Variants in RWDD2B observed in about 807,000 individuals in gnomAD.
RWDD2B encodes RWD domain-containing protein 2B.
A neutral mutation model predicts 33.6 loss-of-function variants in RWDD2B; 36 were observed. The ratio of observed to expected loss-of-function variants is 1.07; its 90% CI spans 0.82 to 1.42. RWDD2B has a LOEUF of 1.42. Among genes scored for constraint, RWDD2B ranks in the 40% most tolerant of loss-of-function variants. The probability of loss-of-function intolerance (pLI) is 0.00; values close to 1 mark genes in which losing one functional copy is unlikely to be tolerated. For synonymous variants in RWDD2B, 126 were observed against 133.1 expected (o/e 0.95, Z 0.37); for missense variants, 364 against 377.5 (o/e 0.96, Z 0.30).
At chr21:29,015,224 GTT>G (rs71189334) in intron 1 of RWDD2B, among the ~76,000 whole-genome samples, 3 of 64,808 alleles carry the variant, frequency 4.6e-5, no homozygotes, top group African/African-American at 1.3e-4. Context: ...ATTATGATGC[GTT>G]TTTTTTTTTT....
intron 4 of RWDD2B, among the ~76,000 whole-genome samples, chr21:29,007,351 C>T (rs906573990): frequency 2.0e-5 from 3 of 152,216 alleles, no homozygotes; most frequent in African/African-American, 7.2e-5. Context: ...ATTGAATCCC[C>T]ATAAAGACAC....
chr21:29,015,970 C>A (rs972219884), intron 1 of RWDD2B, among the ~76,000 whole-genome samples: 1 of 152,172 alleles, frequency 6.6e-6, no homozygotes, highest in Non-Finnish European at 1.5e-5. Flanking sequence ...CTGTCTGACT[C>A]CAGAACATGT....
chr21:29,005,158 C>T lies in RWDD2B; in HGVS notation c.*1259G>A, dbSNP rs2084822328. Reference sequence around the variant, plus strand: ...AAATAAATGTACAGAAAGCCATTTCCAGAACAAAAAATGTCAGAATACAAT... The same window carrying T: ...AAATAAATGTACAGAAAGCCATTTCTAGAACAAAAAATGTCAGAATACAAT... On this transcript the variant is annotated 3_prime_UTR_variant, in exon 5 of 5. Coordinates refer to ENST00000493196, the MANE Select transcript of RWDD2B (RefSeq NM_016940.3). 6.6e-6 allele frequency: 1 copy of T among 152,116 alleles called. No homozygotes were observed. The highest frequency in any genetic ancestry group is 2.4e-5 in the African/African-American group (1 of 41,416). 9.4% of individuals were successfully genotyped at this position (152,116 alleles called of 1,614,324 possible).
chr21:29,011,753 C>T lies in RWDD2B; in HGVS notation c.68-3132G>A, dbSNP rs1349318455. ...CCTCTGCCCGGCCAGCCGCCCCGTCCGGGAGGGAGGTGGGGGGGTCAGCCC... is the reference window on the plus strand; with the variant it reads ...CCTCTGCCCGGCCAGCCGCCCCGTCTGGGAGGGAGGTGGGGGGGTCAGCCC... On this transcript the variant is annotated intron_variant, in intron 1 of 4. Coordinates refer to ENST00000493196, the MANE Select transcript of RWDD2B (RefSeq NM_016940.3). 9.9e-4 allele frequency among the ~76,000 whole-genome samples: 120 copies of T among 121,106 alleles called. 1 individual carries two copies. Among genetic ancestry groups the T allele is most frequent in the African/African-American group, 3.3e-3 (106 of 31,674 alleles). 79.5% of individuals were successfully genotyped at this position (121,106 alleles called of 152,430 possible).
intron 4 of RWDD2B, among the ~76,000 whole-genome samples, chr21:29,007,437 TG>T (rs1257931036): frequency 6.6e-6 from 1 of 152,224 alleles, no homozygotes; most frequent in East Asian, 1.9e-4. Flanking sequence ...TTCTGAGAAA[TG>T]TATCTTTAGG....
chr21:29,019,189 C>G (rs115143768), intron 1 of RWDD2B, 22 bp downstream of exon 1: 1 of 1,580,876 alleles, frequency 6.3e-7, no homozygotes, highest in Non-Finnish European at 8.6e-7. Flanking sequence ...TCACCACTGG[C>G]GCTAGCTGAG....
rs1440515535 is a variant in RWDD2B, at chr21:29,006,554, A to G, written c.823T>C (p.Ser275Pro). ...NDETERQRKF[S>P]IFEEKVFSVN... The stretch of plus-strand genomic sequence containing the variant: ...CTGAACACTTTTTCTTCAAAAATGG[A>G]AAATTTCCTTTGTCTTTCCGTTTCA... The change falls in exon 5 of 5, where the codon TCC becomes CCC. Residue 275 changes from serine (S) to proline (P), a missense_variant. By Grantham distance (74) the Ser-to-Pro change is moderately conservative. Coordinates refer to ENST00000493196, the MANE Select transcript of RWDD2B (RefSeq NM_016940.3). 6.2e-7 allele frequency: 1 copy of G among 1,613,926 alleles called. No homozygotes were observed. The highest frequency in any genetic ancestry group is 2.2e-5 in the East Asian group (1 of 44,884).
chr21:29,014,413 C>T (rs2084879662), intron 1 of RWDD2B, among the ~76,000 whole-genome samples: 1 of 152,208 alleles, frequency 6.6e-6, no homozygotes, highest in Non-Finnish European at 1.5e-5. Context: ...ACTTAATCAC[C>T]TCTGAAAGGT....
In RWDD2B at chr21:29,019,205, A is replaced by G; in HGVS notation, c.67+6T>C. 2.5e-6 allele frequency: 4 copies of G among 1,594,770 alleles called. No individual in the cohort carries two copies. Among genetic ancestry groups the G allele is most frequent in the Non-Finnish European group, 3.4e-6 (4 of 1,171,348 alleles). ...CACCACTGGCGCTAGCTGAGGCGAGACTCACCTTGAGCCGTGGCCCCCTCA... is the reference window on the plus strand; with the variant it reads ...CACCACTGGCGCTAGCTGAGGCGAGGCTCACCTTGAGCCGTGGCCCCCTCA... On this transcript the variant is annotated splice_donor_region_variant and intron_variant, in intron 1 of 4. Transcript: ENST00000493196.
intron 1 of RWDD2B, among the ~76,000 whole-genome samples, chr21:29,013,688 C>CAA (rs543309731): frequency 7.9e-4 from 47 of 59,440 alleles, no homozygotes; most frequent in African/African-American, 1.9e-3. Context: ...GACTCCGTCT[C>CAA]AAAAAAAAAA....
At chr21:29,016,333 C>T (rs990892213) in intron 1 of RWDD2B, among the ~76,000 whole-genome samples, 24 of 151,950 alleles carry the variant, frequency 1.6e-4, no homozygotes, top group African/African-American at 5.1e-4. Flanking sequence ...GGTGCAATCT[C>T]GGCTCACTGC....
rs1211312835 is a variant in RWDD2B at position 29,006,237 on chromosome 21, T to C, written c.*180A>G. On this transcript the variant is annotated 3_prime_UTR_variant, in exon 5 of 5. Coordinates refer to ENST00000493196, the MANE Select transcript of RWDD2B (RefSeq NM_016940.3). ...TTTAAGGTTGTAATTTGAAACTCAG[T>C]TCTGCTTTCAATCATGACATTTTTA... 1 of 484,358 alleles carries C rather than the reference T, an allele frequency of 2.1e-6. No homozygotes were observed. The highest frequency in any genetic ancestry group is 3.7e-6 in the Non-Finnish European group (1 of 272,962). 30.0% of individuals were successfully genotyped at this position (484,358 alleles called of 1,614,324 possible). A position where few individuals can be genotyped will look rare whatever the true frequency, so the allele number is the denominator to read the frequency against.
chr21:29,007,202 A>C (rs2084832702), intron 4 of RWDD2B, among the ~76,000 whole-genome samples: 1 of 152,220 alleles, frequency 6.6e-6, no homozygotes. Flanking sequence ...AGATCCATGG[A>C]AGTGGATGGG....
chr21:29,013,606 G>A (rs984735525), intron 1 of RWDD2B, among the ~76,000 whole-genome samples: 15 of 150,564 alleles, frequency 1.0e-4, no homozygotes, highest in Non-Finnish European at 2.1e-4. Context: ...GGAGAATGGC[G>A]TGAACTCGGG....
intron 1 of RWDD2B, among the ~76,000 whole-genome samples, chr21:29,011,715 G>T (rs2084861936): frequency 1.5e-5 from 2 of 136,658 alleles, no homozygotes; most frequent in Non-Finnish European, 1.6e-5. Flanking sequence ...CCCCTACTGG[G>T]AAGTGAGGAG....
chr21:29,008,575 G>T lies in RWDD2B; in HGVS notation c.114C>A (p.Ala38=). 6.2e-7 allele frequency: 1 copy of T among 1,613,972 alleles called. No individual in the cohort carries two copies. Among genetic ancestry groups the T allele is most frequent in the Non-Finnish European group, 8.5e-7 (1 of 1,180,030 alleles). The change falls in exon 2 of 5, where the codon GCC becomes GCA. Residue 38 remains alanine (A), a synonymous_variant. Coordinates refer to ENST00000493196, the MANE Select transcript of RWDD2B (RefSeq NM_016940.3). ...PKMIEMEQAE[A]QLAELDLLAS... The stretch of plus-strand genomic sequence containing the variant: ...CTAGCAGGTCTAACTCAGCAAGCTG[G>T]GCCTCCGCCTGCTCCATCTCAATCA...
In RWDD2B at chr21:29,008,458, C is replaced by T. The variant is rs1568869113; in HGVS notation, c.231G>A (p.Glu77=). 2 of 1,614,198 alleles carry T rather than the reference C, an allele frequency of 1.2e-6. No homozygotes were observed. The highest frequency in any genetic ancestry group is 2.2e-5 in the East Asian group (1 of 44,890). The change falls in exon 2 of 5, where the codon GAG becomes GAA. Residue 77 remains glutamate, a synonymous_variant. Transcript: ENST00000493196. ...LKDCIEKKTM[E]GRSSKVYFTI... is the part of the protein sequence containing the mutation. The stretch of plus-strand genomic sequence containing the variant: ...TAAAGTAGACTTTTGAAGATCGCCC[C>T]TCCATTGTCTTCTTTTCAATACAAT...
chr21:29,006,710 C>A, intron 4 of RWDD2B, 59 bp from the exon 5 acceptor site: 2 of 1,007,588 alleles, frequency 2.0e-6, no homozygotes, highest in South Asian at 1.6e-5. Flanking sequence ...GCATTTAAAA[C>A]AGAAGTTATA....
At chr21:29,010,601 C>T (rs1311354942) in intron 1 of RWDD2B, among the ~76,000 whole-genome samples, 4 of 122,788 alleles carry the variant, frequency 3.3e-5, no homozygotes, top group Non-Finnish European at 6.5e-5. Context: ...GAGTGAAACT[C>T]CGTCTCAAAA....
Sources: gnomAD v4.1 joint callset for allele counts (sites outside exome capture counted in the v4.1 genomes callset) on GRCh38, gnomAD v4.1.1 for gene constraint, MANE v1.5 for transcripts, NCBI Gene and HGNC (gene_info 2026-07-23, HGNC 2026-07-21) for gene names.